The following YTHDF3 variants were observed in gnomAD, a reference collection of about 807,000 sequenced individuals.
YTHDF3 encodes YTH domain-containing family protein 3.
In YTHDF3, 9 loss-of-function variants were observed where a neutral mutation model predicts 52.5. That is an observed-to-expected ratio of 0.17 (90% CI 0.10 to 0.30). YTHDF3 has a LOEUF of 0.30. Ranked by LOEUF, YTHDF3 falls within the 10% of genes least tolerant of loss-of-function variation. YTHDF3 has a pLI of 1.00. For synonymous variants in YTHDF3, 274 were observed against 243.3 expected (o/e 1.13, Z -1.18); for missense variants, 534 against 715.0 (o/e 0.75, Z 2.89).
rs1197602216 is a variant in YTHDF3 at position 63,169,373 on chromosome 8, G to A, written c.25-14G>A. The A allele has an allele frequency of 2.5e-6, 4 of 1,597,794 alleles. No individual in the cohort carries two copies. Among genetic ancestry groups the A allele is most frequent in the Admixed American group, 1.7e-5 (1 of 57,418 alleles). On this transcript the variant is annotated splice_polypyrimidine_tract_variant and intron_variant, in intron 1 of 4. Coordinates refer to ENST00000539294, the MANE Select transcript of YTHDF3 (RefSeq NM_152758.6). The stretch of plus-strand genomic sequence containing the variant: ...TTTTCTCCTCTTTACCGCATCTTTC[G>A]TCTTGCAACACAGAGACCTAAAGGG...
rs938422462 is a variant in YTHDF3, at chr8:63,211,889, A to G, written c.*2183A>G. 1 of 152,524 alleles carries G rather than the reference A, an allele frequency of 6.6e-6. No homozygotes were observed. Among genetic ancestry groups the G allele is most frequent in the South Asian group, 2.1e-4 (1 of 4,826 alleles). 9.4% of individuals were successfully genotyped at this position (152,524 alleles called of 1,614,324 possible). On this transcript the variant is annotated 3_prime_UTR_variant, in exon 5 of 5. Transcript: ENST00000539294. Reference sequence around the variant, plus strand: ...AAAATCTTTTTATTTTCAAGTGATAATTTTGTGTTTTTCTCATATAAGTTT... The same window carrying G: ...AAAATCTTTTTATTTTCAAGTGATAGTTTTGTGTTTTTCTCATATAAGTTT...
In YTHDF3 at chr8:63,211,045, T is replaced by A. The variant is rs1810344089; in HGVS notation, c.*1339T>A. The A allele has an allele frequency of 6.6e-6, 1 of 152,610 alleles. No individual in the cohort carries two copies. Among genetic ancestry groups the A allele is most frequent in the African/African-American group, 2.4e-5 (1 of 41,448 alleles). The allele number at this position is 152,610 out of a possible 1,614,324, so 9.5% of individuals were successfully genotyped here. On this transcript the variant is annotated 3_prime_UTR_variant, in exon 5 of 5. Coordinates refer to ENST00000539294, the MANE Select transcript of YTHDF3 (RefSeq NM_152758.6). ...AAAATAGCAATACAGTAGATTTGAA[T>A]ACCTTGATGTTTTGCATTACTTCAT... is the stretch of plus-strand genomic sequence containing the variant.
chr8:63,189,169 T>C (rs1808751071), intron 4 of YTHDF3: 1 of 152,212 alleles, frequency 6.6e-6, no homozygotes, highest in East Asian at 1.9e-4. Flanking sequence ...ACATGCTGTT[T>C]ATCCTTGTAT....
intron 4 of YTHDF3, among the ~76,000 whole-genome samples, chr8:63,201,162 A>C (rs1444819873): frequency 6.6e-6 from 1 of 152,210 alleles, no homozygotes; most frequent in Admixed American, 6.5e-5. Context: ...CACTTTAGAA[A>C]TATCTAAGCC....
At chr8:63,198,923 T>G (rs1809411374) in intron 4 of YTHDF3, among the ~76,000 whole-genome samples, 1 of 152,202 alleles carries the variant, frequency 6.6e-6, no homozygotes, top group Non-Finnish European at 1.5e-5. Flanking sequence ...GGGCCCAGTA[T>G]GTAACACATT....
intron 2 of YTHDF3, among the ~76,000 whole-genome samples, chr8:63,171,301 C>G (rs547170372): frequency 6.6e-6 from 1 of 152,120 alleles, no homozygotes; most frequent in Non-Finnish European, 1.5e-5. Context: ...AGTCATAATT[C>G]CCATAATTCC....
chr8:63,189,250 C>T (rs1266169932), intron 4 of YTHDF3, among the ~76,000 whole-genome samples: 1 of 151,984 alleles, frequency 6.6e-6, no homozygotes, highest in Non-Finnish European at 1.5e-5. Context: ...TGGGGATTAG[C>T]CCCCCAAATA....
chr8:63,188,301 A>C (rs1808662397), intron 4 of YTHDF3, among the ~76,000 whole-genome samples: 2 of 151,866 alleles, frequency 1.3e-5, no homozygotes, highest in African/African-American at 4.8e-5. Flanking sequence ...CTGGCACTTA[A>C]AACAAGTTTT....
chr8:63,177,566 C>T (rs1807780154), intron 3 of YTHDF3, among the ~76,000 whole-genome samples: 1 of 152,042 alleles, frequency 6.6e-6, no homozygotes, highest in Non-Finnish European at 1.5e-5. Context: ...GCTGAGAAAT[C>T]TTAATATTAG....
intron 3 of YTHDF3, among the ~76,000 whole-genome samples, chr8:63,181,796 C>T (rs1341395741): frequency 6.6e-6 from 1 of 152,106 alleles, no homozygotes; most frequent in Admixed American, 6.5e-5. Context: ...GCACATATAG[C>T]ATTCATGTTT....
intron 1 of YTHDF3, 146 bp downstream of exon 1, chr8:63,169,047 G>C (rs1174653317): frequency 4.2e-6 from 6 of 1,426,688 alleles, no homozygotes; most frequent in African/African-American, 1.5e-5. Context: ...AGCTACCCGG[G>C]CCGGGGCGTG....
intron 4 of YTHDF3, among the ~76,000 whole-genome samples, chr8:63,191,475 C>G (rs1248383316): frequency 6.6e-6 from 1 of 152,128 alleles, no homozygotes; most frequent in Non-Finnish European, 1.5e-5. Context: ...CCTCTTAACT[C>G]TGTTTTCTTA....
intron 4 of YTHDF3, among the ~76,000 whole-genome samples, chr8:63,198,218 T>C (rs933527531): frequency 3.3e-5 from 5 of 152,070 alleles, no homozygotes; most frequent in African/African-American, 4.8e-5. Flanking sequence ...TTTTCTCTTC[T>C]TTCTTTTCTT....
chr8:63,211,457 A>G lies in YTHDF3; in HGVS notation c.*1751A>G, dbSNP rs560605698. The G allele has an allele frequency of 6.5e-6, 1 of 152,716 alleles. No homozygotes were observed. The highest frequency in any genetic ancestry group is 2.4e-5 in the African/African-American group (1 of 41,572). 9.5% of individuals were successfully genotyped at this position (152,716 alleles called of 1,614,324 possible). A position where few individuals can be genotyped will look rare whatever the true frequency, so the allele number is the denominator to read the frequency against. ...ATAATGAAAAGTGGCATTTGGGTATAGTCACCACAGCAATGTTCTACATCC... is the reference window on the plus strand; with the variant it reads ...ATAATGAAAAGTGGCATTTGGGTATGGTCACCACAGCAATGTTCTACATCC... On this transcript the variant is annotated 3_prime_UTR_variant, in exon 5 of 5. Transcript: ENST00000539294.
chr8:63,199,518 C>G (rs946209986), intron 4 of YTHDF3, among the ~76,000 whole-genome samples: 1 of 152,106 alleles, frequency 6.6e-6, no homozygotes, highest in African/African-American at 2.4e-5. Flanking sequence ...TACATGATAA[C>G]TTGAGTAGCA....
Position 63,209,819 on chromosome 8 carries a change from G to A in YTHDF3, c.*113G>A. The A allele has an allele frequency of 9.2e-7, 1 of 1,084,366 alleles. No individual in the cohort carries two copies. The allele number at this position is 1,084,366 out of a possible 1,614,324, so 67.2% of individuals were successfully genotyped here. A position where few individuals can be genotyped will look rare whatever the true frequency, so the allele number is the denominator to read the frequency against. ...CTTTTCTGCTTAAGGTGACATCTTT[G>A]AACACTTTAACACAAAGTTGACTCT... On this transcript the variant is annotated 3_prime_UTR_variant, in exon 5 of 5. Transcript: ENST00000539294.
chr8:63,180,332 C>T (rs1348192867), intron 3 of YTHDF3, among the ~76,000 whole-genome samples: 3 of 150,068 alleles, frequency 2.0e-5, no homozygotes, highest in Admixed American at 1.3e-4. Flanking sequence ...ACATCTCAGA[C>T]GATGGGCGGC....
At chr8:63,194,582 A>G (rs1209712906) in intron 4 of YTHDF3, among the ~76,000 whole-genome samples, 1 of 152,208 alleles carries the variant, frequency 6.6e-6, no homozygotes, top group Non-Finnish European at 1.5e-5. Flanking sequence ...CTTATTATTA[A>G]CATGCTTCCC....
intron 4 of YTHDF3, among the ~76,000 whole-genome samples, chr8:63,203,268 T>TA (rs1809763941): frequency 6.6e-6 from 1 of 150,654 alleles, no homozygotes; most frequent in Admixed American, 6.6e-5. Context: ...TGCAGTCTGA[T>TA]ATATTCCCTG....
Sources: allele counts gnomAD v4.1 joint callset (sites outside exome capture counted in the v4.1 genomes callset), GRCh38; gene constraint gnomAD v4.1.1; transcripts MANE v1.5; gene names NCBI Gene and HGNC (gene_info 2026-07-23, HGNC 2026-07-21).